The following POTEF variants were observed in gnomAD, a reference collection of about 807,000 sequenced individuals.
The protein encoded by POTEF is ANKRD26-like family C member 1B.
A neutral mutation model predicts 83.2 loss-of-function variants in POTEF; 20 were observed. The ratio of observed to expected loss-of-function variants is 0.24; its 90% CI spans 0.17 to 0.35. The LOEUF is 0.35. Ranked by LOEUF, POTEF falls within the 10% of genes least tolerant of loss-of-function variation. The pLI, the probability that POTEF is intolerant of heterozygous loss-of-function variation, is 1.00. For missense variants in POTEF, 550 were observed against 1,203.2 expected (o/e 0.46, Z 8.03); for synonymous variants, 196 against 446.4 (o/e 0.44, Z 7.07).
intron 11 of POTEF, among the ~76,000 whole-genome samples, chr2:130,095,025 C>CT (rs1189045004): frequency 0.014 from 1,526 of 107,140 alleles, 83 homozygotes; most frequent in East Asian, 0.093. Context: ...CCATGTCAAA[C>CT]TTTTTTTTTT....
At chr2:130,126,865 C>A (rs1363351546) in intron 2 of POTEF, among the ~76,000 whole-genome samples, 3 of 151,764 alleles carry the variant, frequency 2.0e-5, no homozygotes, top group Non-Finnish European at 4.4e-5. Flanking sequence ...GAAATAGAAG[C>A]AGCAGCAAAA....
At chr2:130,086,511 AAAGT>A (rs1407512618) in intron 13 of POTEF, 124 bp from the exon 14 acceptor site, 4 of 442,372 alleles carry the variant, frequency 9.0e-6, no homozygotes, top group Non-Finnish European at 1.6e-5. Context: ...TAAAAATTAG[AAAGT>A]AATTAAAATT....
intron 2 of POTEF, among the ~76,000 whole-genome samples, chr2:130,122,404 C>T (rs1685020428): frequency 6.9e-6 from 1 of 144,702 alleles, no homozygotes; most frequent in South Asian, 2.2e-4. Flanking sequence ...CCAATTATAC[C>T]AGCAGCATAT....
At chr2:130,113,025 T>C (rs1280318216) in intron 5 of POTEF, among the ~76,000 whole-genome samples, 2 of 151,008 alleles carry the variant, frequency 1.3e-5, no homozygotes, top group Admixed American at 6.6e-5. Context: ...GGAAAAGGTA[T>C]TATTCTGTAA....
At chr2:130,110,034 G>C (rs879992013) in intron 7 of POTEF, among the ~76,000 whole-genome samples, 2 of 151,292 alleles carry the variant, frequency 1.3e-5, no homozygotes, top group Admixed American at 6.6e-5. Flanking sequence ...AGCAGCAACA[G>C]AATCAACGGA....
chr2:130,075,017 T>C lies in POTEF; in HGVS notation c.2455A>G (p.Met819Val). Residue 819 changes from methionine to valine, a missense_variant, in exon 17 of 17, where the codon ATG becomes GTG. Met to Val is a conservative substitution (Grantham distance 21). Coordinates refer to ENST00000409914, the MANE Select transcript of POTEF (RefSeq NM_001099771.2). ...TLNPKANREK[M>V]TQIMFETFNT... The stretch of plus-strand genomic sequence containing the variant: ...AAGGTCTCAAACATGATCTGGGTCA[T>C]CTTCTCGCGGTTGGCCTTAGGGTTC... 1.9e-6 allele frequency: 3 copies of C among 1,613,446 alleles called. No individual in the cohort carries two copies. Among genetic ancestry groups the C allele is most frequent in the Non-Finnish European group, 2.5e-6 (3 of 1,179,842 alleles).
chr2:130,128,590 T>C (rs1159578499), intron 1 of POTEF, among the ~76,000 whole-genome samples: 1 of 126,194 alleles, frequency 7.9e-6, no homozygotes, highest in Non-Finnish European at 1.6e-5. Context: ...TAGCACCCGA[T>C]AGTGCCCACA....
chr2:130,118,399 T>C (rs1321418294), intron 3 of POTEF, among the ~76,000 whole-genome samples: 1 of 151,928 alleles, frequency 6.6e-6, no homozygotes, highest in East Asian at 1.9e-4. Flanking sequence ...GCTTATTTTA[T>C]TATGTCTGCA....
intron 8 of POTEF, among the ~76,000 whole-genome samples, chr2:130,107,466 T>C (rs1684573052): frequency 6.6e-6 from 1 of 150,938 alleles, no homozygotes. Flanking sequence ...GGTCCTCAAC[T>C]CCCAGGCCAC....
At chr2:130,119,666 CT>C (rs1455733488) in intron 3 of POTEF, among the ~76,000 whole-genome samples, 1 of 151,622 alleles carries the variant, frequency 6.6e-6, no homozygotes, top group East Asian at 1.9e-4. Context: ...TCAATATACA[CT>C]TTTCTATAAT....
chr2:130,098,642 C>T (rs1239391623), intron 11 of POTEF, among the ~76,000 whole-genome samples: 1 of 135,198 alleles, frequency 7.4e-6, no homozygotes, highest in Non-Finnish European at 1.5e-5. Flanking sequence ...ACATTAATTT[C>T]TGGGTATGAA....
At position 130,075,553 on chromosome 2, in the gene POTEF, T is replaced by G. The variant is rs1484592879; in HGVS notation, c.1919A>C (p.Lys640Thr). The change falls in exon 17 of 17, where the codon AAA becomes ACA. Residue 640 changes from lysine (K) to threonine (T), a missense_variant. Coordinates refer to ENST00000409914, the MANE Select transcript of POTEF (RefSeq NM_001099771.2). ...MNSELSLSCK[K>T]EKDILHENST... ...ATTTTCATGCAAGATGTCTTTTTCTTTCTTACAACTAAGAGAAAGCTAAGT... is the reference window on the plus strand; with the variant it reads ...ATTTTCATGCAAGATGTCTTTTTCTGTCTTACAACTAAGAGAAAGCTAAGT... 1 of 1,610,446 alleles carries G rather than the reference T, an allele frequency of 6.2e-7. No individual in the cohort carries two copies. The highest frequency in any genetic ancestry group is 8.5e-7 in the Non-Finnish European group (1 of 1,179,532).
intron 9 of POTEF, among the ~76,000 whole-genome samples, chr2:130,101,641 T>C (rs1164964700): frequency 6.7e-6 from 1 of 148,486 alleles, no homozygotes; most frequent in South Asian, 2.1e-4. Context: ...TCCTTAACCA[T>C]GAATCCAGCT....
intron 11 of POTEF, among the ~76,000 whole-genome samples, chr2:130,096,698 TTG>T (rs1684246354): frequency 6.6e-6 from 1 of 151,922 alleles, no homozygotes; most frequent in African/African-American, 2.4e-5. Context: ...TCCCAACACT[TTG>T]TGAGGCCAAG....
rs1015017357 is a variant in POTEF at position 130,089,913 on chromosome 2, CA to C, written c.1481-1777del. Among the ~76,000 whole-genome samples the C allele has an allele frequency of 1.0e-4, 5 of 48,456 alleles. 2 individuals are homozygous for C. The highest frequency in any genetic ancestry group is 1.8e-4 in the Non-Finnish European group (5 of 27,404). The allele number at this position is 48,456 out of a possible 152,430, so 31.8% of individuals were successfully genotyped here. A position where few individuals can be genotyped will look rare whatever the true frequency, so the allele number is the denominator to read the frequency against. ...GTTTACGTTAAATACTATCCCATTA[CA>C]AAAAAACACTCTTTCTCTTACTTCT... is the stretch of plus-strand genomic sequence containing the variant. On this transcript the variant is annotated intron_variant, in intron 12 of 16. Transcript: ENST00000409914.
At chr2:130,113,557 G>T (rs1435143997) in intron 5 of POTEF, among the ~76,000 whole-genome samples, 2 of 105,344 alleles carry the variant, frequency 1.9e-5, no homozygotes, top group Non-Finnish European at 2.0e-5. Context: ...TAGAGACAGG[G>T]TCTCATTATG....
At chr2:130,121,800 T>C (rs1301727495) in intron 2 of POTEF, among the ~76,000 whole-genome samples, 11 of 110,772 alleles carry the variant, frequency 9.9e-5, no homozygotes, top group African/African-American at 2.1e-4. Flanking sequence ...CACAGGTTCA[T>C]TGAGATACAA....
At chr2:130,107,316 A>T (rs1343805886) in intron 8 of POTEF, among the ~76,000 whole-genome samples, 3 of 150,908 alleles carry the variant, frequency 2.0e-5, no homozygotes, top group Admixed American at 2.0e-4. Flanking sequence ...TCCAACTTCA[A>T]ATGAGGAGGA....
chr2:130,119,282 G>A (rs1196966872), intron 3 of POTEF, among the ~76,000 whole-genome samples: 2 of 151,250 alleles, frequency 1.3e-5, no homozygotes, highest in Admixed American at 6.6e-5. Context: ...TCCTGCCTCA[G>A]CCTCCTGAGT....
Sources: gnomAD v4.1 joint callset for allele counts (sites outside exome capture counted in the v4.1 genomes callset) on GRCh38, gnomAD v4.1.1 for gene constraint, MANE v1.5 for transcripts, NCBI Gene and HGNC (gene_info 2026-07-23, HGNC 2026-07-21) for gene names.